LCLAT1: variants seen among roughly 807,000 people sequenced by gnomAD.
LCLAT1 encodes the protein lysocardiolipin acyltransferase 1.
A neutral mutation model predicts 30.7 loss-of-function variants in LCLAT1; 11 were observed. The ratio of observed to expected loss-of-function variants is 0.36; its 90% CI spans 0.23 to 0.59. The LOEUF is 0.59. LCLAT1 is among the 20% of genes least tolerant of loss of function. LCLAT1 has a pLI of 0.77. For missense variants in LCLAT1, 402 were observed against 458.6 expected (o/e 0.88, Z 1.13); for synonymous variants, 155 against 151.3 (o/e 1.02, Z -0.18).
intron 1 of LCLAT1, among the ~76,000 whole-genome samples, chr2:30,464,698 G>T (rs1176712015): frequency 6.6e-6 from 1 of 152,144 alleles, no homozygotes; most frequent in African/African-American, 2.4e-5. Flanking sequence ...CCCTGTGATA[G>T]TTTCCTGTGC....
chr2:30,526,293 C>A (rs891686567), intron 2 of LCLAT1, among the ~76,000 whole-genome samples: 3 of 152,060 alleles, frequency 2.0e-5, no homozygotes, highest in African/African-American at 2.4e-5. Context: ...CACAAAGGCT[C>A]TCTTCCTTTT....
chr2:30,536,407 A>G (rs541185752), intron 3 of LCLAT1, among the ~76,000 whole-genome samples: 1 of 152,316 alleles, frequency 6.6e-6, no homozygotes, highest in South Asian at 2.1e-4. Flanking sequence ...CGAATCACAT[A>G]AAAGGGAATC....
intron 3 of LCLAT1, among the ~76,000 whole-genome samples, chr2:30,551,097 G>A (rs889234302): frequency 2.0e-5 from 3 of 152,096 alleles, no homozygotes; most frequent in African/African-American, 7.2e-5. Flanking sequence ...TTCCGCCTCA[G>A]CCTCCTTAAT....
chr2:30,503,473 A>G (rs1684496566), intron 1 of LCLAT1, among the ~76,000 whole-genome samples: 2 of 152,200 alleles, frequency 1.3e-5, no homozygotes, highest in Admixed American at 1.3e-4. Context: ...TAATTTGAAA[A>G]GTAGTCCCTT....
intron 5 of LCLAT1, among the ~76,000 whole-genome samples, chr2:30,594,733 G>A (rs1666854297): frequency 1.3e-5 from 2 of 152,042 alleles, no homozygotes; most frequent in East Asian, 1.9e-4. Context: ...CTCCTCTCAG[G>A]AGTTCCAGGT....
chr2:30,476,566 A>G (rs1008297235), intron 1 of LCLAT1: 11 of 454,896 alleles, frequency 2.4e-5, no homozygotes, highest in East Asian at 6.9e-5. Flanking sequence ...ACTGTCTCCT[A>G]TCATCCCCAG....
At chr2:30,508,454 T>C (rs1025403211) in intron 1 of LCLAT1, among the ~76,000 whole-genome samples, 3 of 152,282 alleles carry the variant, frequency 2.0e-5, no homozygotes, top group Non-Finnish European at 4.4e-5. Context: ...TTGTATATCG[T>C]GTAAGGAAGG....
In LCLAT1 at chr2:30,534,582, T is replaced by G. The variant is rs1182793043; in HGVS notation, c.364+1268T>G. On this transcript the variant is annotated intron_variant, in intron 3 of 5. Coordinates refer to ENST00000379509, the MANE Select transcript of LCLAT1 (RefSeq NM_001002257.3). ...GAGCCACTGCGCCCGGCCAACTGTT[T>G]GTGTTTTAATTGCCTTTGTACTTAT... 6.6e-5 allele frequency among the ~76,000 whole-genome samples: 10 copies of G among 152,204 alleles called. No individual in the cohort carries two copies. In the East Asian group the frequency reaches 1.9e-3, roughly 29 times the overall value.
chr2:30,515,082 T>A lies in LCLAT1; in HGVS notation c.-4-10505T>A, dbSNP rs374280634. On this transcript the variant is annotated intron_variant, in intron 1 of 5. Coordinates refer to ENST00000379509, the MANE Select transcript of LCLAT1 (RefSeq NM_001002257.3). ...TATACCTATACCTCAGTAATATGAG[T>A]TTAAAAAGTTTTCTGATTAAGCCAT... 2.8e-4 allele frequency among the ~76,000 whole-genome samples: 42 copies of A among 152,018 alleles called. No homozygotes were observed. In the Middle Eastern group the frequency reaches 0.024, roughly 86 times the overall value.
At chr2:30,524,072 GT>G (rs67542297) in intron 1 of LCLAT1, among the ~76,000 whole-genome samples, 151,927 of 151,954 alleles carry the variant, frequency 1, 75,950 homozygotes, top group Middle Eastern at 1. Context: ...TTATAAGGCT[GT>G]TTTTTTTTCA....
At chr2:30,452,638 G>A (rs1681614943) in intron 1 of LCLAT1, among the ~76,000 whole-genome samples, 1 of 152,080 alleles carries the variant, frequency 6.6e-6, no homozygotes, top group South Asian at 2.1e-4. Flanking sequence ...AAAATTCTAA[G>A]CAGGTCTCTT....
At chr2:30,626,783 T>C (rs951359626) in intron 5 of LCLAT1, among the ~76,000 whole-genome samples, 1 of 152,082 alleles carries the variant, frequency 6.6e-6, no homozygotes, top group East Asian at 1.9e-4. Flanking sequence ...AATTTTTCTT[T>C]CTATTGCAGT....
At chr2:30,462,336 G>C (rs962897252) in intron 1 of LCLAT1, among the ~76,000 whole-genome samples, 1 of 152,212 alleles carries the variant, frequency 6.6e-6, no homozygotes, top group Non-Finnish European at 1.5e-5. Flanking sequence ...TATATGAAAA[G>C]AATGTCCGTA....
chr2:30,541,227 A>T (rs551957053), intron 3 of LCLAT1, among the ~76,000 whole-genome samples: 29 of 152,014 alleles, frequency 1.9e-4, no homozygotes, highest in South Asian at 2.1e-4. Context: ...TCATGCTTTT[A>T]TGGTTTCACT....
intron 5 of LCLAT1, among the ~76,000 whole-genome samples, chr2:30,594,441 G>T (rs1281046987): frequency 1.3e-5 from 2 of 152,158 alleles, no homozygotes; most frequent in Non-Finnish European, 2.9e-5. Flanking sequence ...TTGATTAGAT[G>T]AGTGTGATCC....
chr2:30,463,921 T>C (rs569129046), intron 1 of LCLAT1, among the ~76,000 whole-genome samples: 1 of 152,380 alleles, frequency 6.6e-6, no homozygotes, highest in Non-Finnish European at 1.5e-5. Context: ...ATACAAATAG[T>C]GCCTCCGTGA....
intron 1 of LCLAT1, among the ~76,000 whole-genome samples, chr2:30,488,550 G>T (rs1026787283): frequency 6.6e-6 from 1 of 152,206 alleles, no homozygotes; most frequent in Non-Finnish European, 1.5e-5. Context: ...CAGCTTGGTT[G>T]TCCCTAGCTC....
At chr2:30,617,740 A>C (rs577034329) in intron 5 of LCLAT1, among the ~76,000 whole-genome samples, 1 of 152,292 alleles carries the variant, frequency 6.6e-6, no homozygotes, top group Admixed American at 6.5e-5. Flanking sequence ...AATAGTAACT[A>C]AAGTGTTAAT....
intron 1 of LCLAT1, among the ~76,000 whole-genome samples, chr2:30,493,341 T>C (rs565171177): frequency 2.6e-5 from 4 of 152,332 alleles, no homozygotes; most frequent in South Asian, 4.1e-4. Flanking sequence ...CTTAGTGATG[T>C]TTTTAAAAAT....
Sources: gnomAD v4.1 joint callset for allele counts (sites outside exome capture counted in the v4.1 genomes callset) on GRCh38, gnomAD v4.1.1 for gene constraint, MANE v1.5 for transcripts, NCBI Gene and HGNC (gene_info 2026-07-23, HGNC 2026-07-21) for gene names.